ANO3: variants seen among roughly 807,000 people sequenced by gnomAD.
ANO3 encodes the protein anoctamin-3.
In ANO3, 99 loss-of-function variants were observed where a neutral mutation model predicts 144.8. That is an observed-to-expected ratio of 0.68 (90% CI 0.58 to 0.81). The LOEUF is 0.81. Ranked by LOEUF, ANO3 falls within the 30% of genes least tolerant of loss-of-function variation. ANO3 has a pLI of 0.00. For missense variants in ANO3, 905 were observed against 1,202.2 expected (o/e 0.75, Z 3.66); for synonymous variants, 414 against 392.6 (o/e 1.05, Z -0.64).
intron 17 of ANO3, among the ~76,000 whole-genome samples, chr11:26,605,030 A>G (rs1851898447): frequency 6.6e-6 from 1 of 152,194 alleles, no homozygotes; most frequent in African/African-American, 2.4e-5. Context: ...TTGCTCATTC[A>G]ATGTGATATT....
chr11:26,640,419 G>GT (rs1352309402), intron 21 of ANO3, among the ~76,000 whole-genome samples: 10 of 152,126 alleles, frequency 6.6e-5, no homozygotes, highest in African/African-American at 2.4e-4. Flanking sequence ...GGACTGGGGA[G>GT]CCCAGTTCAT....
intron 1 of ANO3, among the ~76,000 whole-genome samples, chr11:26,342,041 A>G (rs1855375845): frequency 6.6e-6 from 1 of 152,186 alleles, no homozygotes; most frequent in South Asian, 2.1e-4. Context: ...ACACCCAGGA[A>G]CAATACTTTG....
intron 7 of ANO3, 87 bp from the exon 8 acceptor site, chr11:26,531,118 C>A: frequency 6.9e-7 from 1 of 1,456,174 alleles, no homozygotes; most frequent in Non-Finnish European, 9.4e-7. Context: ...AAAGAAGTTT[C>A]TTTAGTACTT....
At chr11:26,596,829 G>C (rs957071976) in intron 14 of ANO3, among the ~76,000 whole-genome samples, 1 of 152,202 alleles carries the variant, frequency 6.6e-6, no homozygotes, top group South Asian at 2.1e-4. Context: ...GCTGTGCAAT[G>C]ATCTCCACCG....
At chr11:26,540,687 A>G (rs1303934721) in intron 10 of ANO3, among the ~76,000 whole-genome samples, 2 of 152,196 alleles carry the variant, frequency 1.3e-5, no homozygotes, top group Admixed American at 6.5e-5. Flanking sequence ...CAACAAAGAT[A>G]TGAAAAAAAG....
chr11:26,508,010 T>A, intron 4 of ANO3, 94 bp from the exon 5 acceptor site: 1 of 1,068,810 alleles, frequency 9.4e-7, no homozygotes, highest in South Asian at 1.6e-5. Context: ...CATTTTTTGA[T>A]ATTGTATTGC....
intron 1 of ANO3, among the ~76,000 whole-genome samples, chr11:26,237,542 T>C (rs11029415): frequency 0.017 from 2,522 of 151,968 alleles, 57 homozygotes; most frequent in East Asian, 0.12. Context: ...ACATAAATCT[T>C]AAAAATTATC....
chr11:26,502,231 AT>A (rs952646886), intron 4 of ANO3, among the ~76,000 whole-genome samples: 1 of 151,984 alleles, frequency 6.6e-6, no homozygotes, highest in Non-Finnish European at 1.5e-5. Context: ...GTTTTACCTG[AT>A]TTTTTTTAGT....
At chr11:26,363,682 A>G (rs979496612) in intron 1 of ANO3, among the ~76,000 whole-genome samples, 10 of 152,204 alleles carry the variant, frequency 6.6e-5, no homozygotes, top group Admixed American at 6.5e-4. Flanking sequence ...GTCCACGCCT[A>G]TGCTTTATGA....
chr11:26,265,251 A>G (rs1160343625), intron 1 of ANO3, among the ~76,000 whole-genome samples: 2 of 152,162 alleles, frequency 1.3e-5, no homozygotes, highest in Non-Finnish European at 1.5e-5. Context: ...ATTTGAATTC[A>G]ATGGTTTTTC....
At chr11:26,381,909 A>AT (rs1045344800) in intron 1 of ANO3, among the ~76,000 whole-genome samples, 3 of 151,960 alleles carry the variant, frequency 2.0e-5, no homozygotes, top group South Asian at 4.1e-4. Flanking sequence ...TGGCAAAACA[A>AT]TTTTTTTTAT....
intron 6 of ANO3, among the ~76,000 whole-genome samples, chr11:26,519,917 T>C (rs1295086891): frequency 1.3e-5 from 2 of 152,070 alleles, no homozygotes; most frequent in Non-Finnish European, 2.9e-5. Context: ...GGGAACACAA[T>C]TCTATGGTGT....
intron 1 of ANO3, among the ~76,000 whole-genome samples, chr11:26,279,760 C>T (rs1354399503): frequency 6.6e-6 from 1 of 152,142 alleles, no homozygotes; most frequent in African/African-American, 2.4e-5. Context: ...CAATCTCATT[C>T]TGTGTCCATC....
At chr11:26,393,813 T>C (rs1281615971) in intron 1 of ANO3, among the ~76,000 whole-genome samples, 1 of 152,154 alleles carries the variant, frequency 6.6e-6, no homozygotes, top group African/African-American at 2.4e-5. Flanking sequence ...TTTTGAAAAC[T>C]TCACATAAAT....
At position 26,216,824 on chromosome 11, in the gene ANO3, G is replaced by A. The variant is rs542119819; in HGVS notation, c.154+27494G>A. Among the ~76,000 whole-genome samples, 21 of 152,098 alleles carry A rather than the reference G, an allele frequency of 1.4e-4. No individual in the cohort carries two copies. The East Asian group carries it at 3.5e-3, about 25-fold the overall frequency. ...ACTTATAGAGCCTTAACAACAAGATGTTGGAAATATTTTGTATTGATTTGC... is the reference window on the plus strand; with the variant it reads ...ACTTATAGAGCCTTAACAACAAGATATTGGAAATATTTTGTATTGATTTGC... On this transcript the variant is annotated intron_variant, in intron 1 of 27. Transcript: ENST00000672621.
chr11:26,362,037 G>C (rs929936862), intron 1 of ANO3, among the ~76,000 whole-genome samples: 1 of 152,068 alleles, frequency 6.6e-6, no homozygotes, highest in African/African-American at 2.4e-5. Context: ...TTGATTAAGA[G>C]TTTTAAATAT....
At chr11:26,563,169 C>G (rs1454345589) in intron 14 of ANO3, 1 of 1,612,066 alleles carries the variant, frequency 6.2e-7, no homozygotes, top group Admixed American at 1.7e-5. Flanking sequence ...ATCCGTTTTC[C>G]TTTTTCCACA....
At chr11:26,467,225 C>T (rs1859630691) in intron 4 of ANO3, among the ~76,000 whole-genome samples, 1 of 151,782 alleles carries the variant, frequency 6.6e-6, no homozygotes, top group South Asian at 2.1e-4. Context: ...TACAGGCATA[C>T]AAAATATAAT....
intron 1 of ANO3, among the ~76,000 whole-genome samples, chr11:26,326,100 G>A (rs1479456170): frequency 2.0e-5 from 3 of 152,016 alleles, no homozygotes; most frequent in African/African-American, 7.2e-5. Context: ...GGATTAAAAT[G>A]GCATATAAAA....
Sources: allele counts gnomAD v4.1 joint callset (sites outside exome capture counted in the v4.1 genomes callset), GRCh38; gene constraint gnomAD v4.1.1; transcripts MANE v1.5; gene names NCBI Gene and HGNC (gene_info 2026-07-23, HGNC 2026-07-21).